The following SMG1 variants were observed in gnomAD, a reference collection of about 807,000 sequenced individuals.
The protein encoded by SMG1 is SMG1 nonsense mediated mRNA decay associated PI3K related kinase, also known as serine/threonine-protein kinase SMG1.
In SMG1, 22 loss-of-function variants were observed where a neutral mutation model predicts 419.9. The ratio of observed to expected loss-of-function variants is 0.05; its 90% CI spans 0.04 to 0.07. SMG1 has a LOEUF of 0.07. Among genes scored for constraint, SMG1 ranks in the 10% least tolerant of loss-of-function variants. The pLI is 1.00. For missense variants in SMG1, 3,185 were observed against 4,342.0 expected, an observed-to-expected ratio of 0.73 and a Z score of 7.49; for synonymous variants, 1,538 against 1,553.5, an observed-to-expected ratio of 0.99 and a Z score of 0.23.
At chr16:18,828,211 A>T in intron 54 of SMG1, 43 bp from the exon 55 acceptor site, 9 of 1,594,082 alleles carry the variant, frequency 5.6e-6, no homozygotes, top group Non-Finnish European at 7.7e-6. Flanking sequence ...GCAGGAAAAA[A>T]GCGTTTAGAT....
rs950634616 is a variant in SMG1 at position 18,879,567 on chromosome 16, T to A, written c.1446A>T (p.Gly482=). Residue 482 remains glycine, a synonymous_variant, in exon 11 of 63, where the codon GGA becomes GGT. Coordinates refer to ENST00000446231, the MANE Select transcript of SMG1 (RefSeq NM_015092.5). ...TCTGGCAATTCTCCAGTTGGTCTAA[T>A]CCATATGTAATGACCATGTCACAAT... is the stretch of plus-strand genomic sequence containing the variant. ...TIHCDMVITY[G]LDQLENCQTC... 161 of 1,296,520 alleles carry A rather than the reference T, an allele frequency of 1.2e-4. 1 individual carries two copies. The highest frequency in any genetic ancestry group is 1.6e-4 in the Non-Finnish European group (152 of 927,906). 80.3% of individuals were successfully genotyped at this position (1,296,520 alleles called of 1,614,324 possible). A position where few individuals can be genotyped will look rare whatever the true frequency, so the allele number is the denominator to read the frequency against.
At position 18,819,548 on chromosome 16, in the gene SMG1, G is replaced by C; in HGVS notation, c.9848C>G (p.Ala3283Gly). ...TTTAAGGACAAGATTTCTTCTTTCAGCTATCGTTGCTTCAAAATCTTGTAG... is the reference window on the plus strand; with the variant it reads ...TTTAAGGACAAGATTTCTTCTTTCACCTATCGTTGCTTCAAAATCTTGTAG... The part of the protein sequence containing the change: ...PVLQDFEATI[A>G]ERRNLVLKES... Residue 3283 changes from alanine (A) to glycine (G), a missense_variant, in exon 56 of 63, where the codon GCT (alanine) becomes GGT (glycine). By Grantham distance (60) the Ala-to-Gly change is moderately conservative. Transcript: ENST00000446231. The C allele has an allele frequency of 1.2e-6, 2 of 1,607,062 alleles. No individual in the cohort carries two copies. Among genetic ancestry groups the C allele is most frequent in the Non-Finnish European group, 1.7e-6 (2 of 1,176,498 alleles).
At chr16:18,838,770 T>C (rs1421262995) in intron 42 of SMG1, 81 bp from the exon 43 acceptor site, 1 of 908,088 alleles carries the variant, frequency 1.1e-6, no homozygotes, top group East Asian at 2.4e-5. Context: ...CTATAAAATT[T>C]ACAAAGCACC....
At chr16:18,889,310 CAT>C (rs2036780374) in intron 6 of SMG1, 60 bp downstream of exon 6, 2 of 469,364 alleles carry the variant, frequency 4.3e-6, no homozygotes, top group Non-Finnish European at 7.8e-6. Flanking sequence ...CCTCCAAGGA[CAT>C]GTGTTAAGGG....
At chr16:18,842,549 C>T (rs1393112224) in intron 39 of SMG1, 95 bp from the exon 40 acceptor site, 8 of 1,277,132 alleles carry the variant, frequency 6.3e-6, no homozygotes, top group African/African-American at 4.4e-5. Context: ...TTTTAGGTCA[C>T]GGCGGCAGCT....
rs2033579361 is a variant in SMG1, at chr16:18,836,447, T to C, written c.7690A>G (p.Ile2564Val). ...TTGAATGCAGCCTGATAATGTGTTA[T>C]CCATTGTTCAAATTCATTCAGCTTC... is the stretch of plus-strand genomic sequence containing the variant. Reference protein sequence around the residue: ...QVKLNEFEQWITHYQAAFNNL... With the variant: ...QVKLNEFEQWVTHYQAAFNNL... Residue 2564 changes from isoleucine to valine, a missense_variant, in exon 47 of 63, where the codon ATA (isoleucine) becomes GTA (valine). Around this residue, in one of 27 missense-constraint regions of SMG1, gnomAD observed 412 missense variants for 546.6 expected, o/e 0.75. Transcript: ENST00000446231. 6.2e-7 allele frequency: 1 copy of C among 1,613,944 alleles called. No homozygotes were observed. The highest frequency in any genetic ancestry group is 1.7e-5 in the Admixed American group (1 of 60,006).
chr16:18,894,168 A>G (rs563160725), intron 3 of SMG1, among the ~76,000 whole-genome samples: 7 of 152,232 alleles, frequency 4.6e-5, no homozygotes, highest in African/African-American at 1.7e-4. Flanking sequence ...AAGAGAAACA[A>G]CCAATGGGTA....
intron 13 of SMG1, among the ~76,000 whole-genome samples, chr16:18,872,896 G>A (rs2035900913): frequency 1.3e-5 from 2 of 152,128 alleles, no homozygotes. Flanking sequence ...GCTCACACCT[G>A]TAATCCTAGC....
intron 1 of SMG1, among the ~76,000 whole-genome samples, chr16:18,898,060 G>A (rs2037205355): frequency 6.6e-6 from 1 of 152,178 alleles, no homozygotes; most frequent in Non-Finnish European, 1.5e-5. Context: ...AAAAGTGACA[G>A]CAGTGTTTGT....
chr16:18,879,374 C>T, intron 11 of SMG1, 121 bp downstream of exon 11: 1 of 861,448 alleles, frequency 1.2e-6, no homozygotes, highest in Non-Finnish European at 1.9e-6. Flanking sequence ...TTTGGCCTCC[C>T]AAAGTGCTGG....
intron 3 of SMG1, among the ~76,000 whole-genome samples, chr16:18,894,044 G>A (rs2037005045): frequency 6.8e-6 from 1 of 147,490 alleles, no homozygotes; most frequent in African/African-American, 2.5e-5. Context: ...GTGACAGGGA[G>A]ATACTCCATC....
Position 18,850,237 on chromosome 16 carries a change from T to C in SMG1, c.5283A>G (p.Gln1761=), listed in dbSNP as rs2034513108. The C allele has an allele frequency of 6.2e-7, 1 of 1,606,706 alleles. No homozygotes were observed. The highest frequency in any genetic ancestry group is 8.5e-7 in the Non-Finnish European group (1 of 1,175,562). Residue 1761 remains glutamine, a splice_region_variant and synonymous_variant, in exon 34 of 63, where the codon CAA becomes CAG. Transcript: ENST00000446231. ...TTTCTTAGAACACTGTGCTACATAC[T>C]TGACCAGCGTTGAGTTTAAGGAAAG... is the stretch of plus-strand genomic sequence containing the variant. ...YFTFLKLNAG[Q]IPLDEDDPRL...
In SMG1 at chr16:18,835,293, G is replaced by A. The variant is rs188693589; in HGVS notation, c.8058-129C>T. The A allele has an allele frequency of 5.5e-5, 57 of 1,028,022 alleles. 1 individual carries two copies. The Admixed American group carries it at 1.2e-3, about 22-fold the overall frequency. The allele number at this position is 1,028,022 out of a possible 1,614,324, so 63.7% of individuals were successfully genotyped here. A position where few individuals can be genotyped will look rare whatever the true frequency, so the allele number is the denominator to read the frequency against. ...TTATTTACATTTTACAGATAAAAAT[G>A]TCTCAAGAGCTTAAGCAATTTCCTA... On this transcript the variant is annotated intron_variant, in intron 48 of 62. Transcript: ENST00000446231.
chr16:18,857,987 C>A (rs1163374777), intron 29 of SMG1, 183 bp downstream of exon 29: 1 of 412,080 alleles, frequency 2.4e-6, no homozygotes, highest in Non-Finnish European at 4.4e-6. Context: ...GAGATGATCC[C>A]AAGGGAACCT....
intron 3 of SMG1, among the ~76,000 whole-genome samples, chr16:18,894,874 G>A (rs1185997347): frequency 6.6e-6 from 1 of 152,060 alleles, no homozygotes; most frequent in African/African-American, 2.4e-5. Flanking sequence ...CTGGGGTGCA[G>A]TGGCGCGATC....
intron 1 of SMG1, among the ~76,000 whole-genome samples, chr16:18,910,044 G>C (rs1351967694): frequency 3.3e-5 from 5 of 150,710 alleles, no homozygotes; most frequent in Admixed American, 3.3e-4. Context: ...TTCCTTAAGA[G>C]ACAGCAATCA....
chr16:18,871,649 T>C (rs2035829520), intron 15 of SMG1, among the ~76,000 whole-genome samples, 167 bp from the exon 16 acceptor site: 1 of 152,132 alleles, frequency 6.6e-6, no homozygotes, highest in Non-Finnish European at 1.5e-5. Flanking sequence ...TCAAAATTGT[T>C]GTGTGCCTTT....
In SMG1 at chr16:18,811,979, T is replaced by C. The variant is rs375042840; in HGVS notation, c.10770A>G (p.Lys3590=). The C allele has an allele frequency of 6.2e-7, 1 of 1,613,838 alleles. No individual in the cohort carries two copies. Among genetic ancestry groups the C allele is most frequent in the African/African-American group, 1.3e-5 (1 of 74,918 alleles). Residue 3590 remains lysine, a synonymous_variant, in exon 61 of 63, where the codon AAA becomes AAG. Coordinates refer to ENST00000446231, the MANE Select transcript of SMG1 (RefSeq NM_015092.5). ...GTGKSVACSP[K]KAVRDPKTGK... ...CAGTTTTAGGGTCTCTGACTGCCTT[T>C]TTAGGACTACAAGCAACACTCTTGC...
At position 18,852,466 on chromosome 16, in the gene SMG1, C is replaced by A; in HGVS notation, c.4769-4G>T. ...GGTTCTCCAACTCCAATATGCACTG[C>A]CAAAATGGACAAAAAAATAATTATA... On this transcript the variant is annotated splice_polypyrimidine_tract_variant and splice_region_variant and intron_variant, in intron 31 of 62. Coordinates refer to ENST00000446231, the MANE Select transcript of SMG1 (RefSeq NM_015092.5). 6.6e-7 allele frequency: 1 copy of A among 1,518,292 alleles called. No individual in the cohort carries two copies. The highest frequency in any genetic ancestry group is 8.8e-7 in the Non-Finnish European group (1 of 1,131,430). The allele number at this position is 1,518,292 out of a possible 1,614,324, so 94.1% of individuals were successfully genotyped here. A position where few individuals can be genotyped will look rare whatever the true frequency, so the allele number is the denominator to read the frequency against.
Sources: allele counts gnomAD v4.1 joint callset (sites outside exome capture counted in the v4.1 genomes callset), GRCh38; gene constraint gnomAD v4.1.1; regional missense constraint gnomAD v4.1.1; transcripts MANE v1.5; gene names NCBI Gene and HGNC (gene_info 2026-07-23, HGNC 2026-07-21).